The following TSHZ2 variants were observed in gnomAD, a reference collection of about 807,000 sequenced individuals.
TSHZ2 encodes the protein teashirt homolog 2.
In TSHZ2, 21 loss-of-function variants were observed where a neutral mutation model predicts 74.4. The ratio of observed to expected loss-of-function variants is 0.28; its 90% confidence interval spans 0.20 to 0.41. The LOEUF (loss-of-function observed/expected upper bound fraction) is 0.41, where lower values mean the gene tolerates loss of function less well. Among genes scored for constraint, TSHZ2 ranks in the 10% least tolerant of loss-of-function variants. TSHZ2 has a pLI of 1.00. For synonymous variants in TSHZ2, 540 were observed against 515.3 expected (o/e 1.05, Z -0.65); for missense variants, 1,244 against 1,293.5 (o/e 0.96, Z 0.59).
intron 2 of TSHZ2, among the ~76,000 whole-genome samples, chr20:53,319,651 G>A (rs1159336419): frequency 6.6e-6 from 1 of 152,242 alleles, no homozygotes; most frequent in Non-Finnish European, 1.5e-5. Context: ...GCAAAGCAGA[G>A]GGGACGGCTG....
Position 53,253,561 on chromosome 20 carries a change from G to A in TSHZ2, c.103G>A (p.Asp35Asn). 6.2e-7 allele frequency: 1 copy of A among 1,613,850 alleles called. No individual in the cohort carries two copies. Among genetic ancestry groups the A allele is most frequent in the Non-Finnish European group, 8.5e-7 (1 of 1,179,878 alleles). Residue 35 changes from aspartate to asparagine, a missense_variant, in exon 2 of 3, where the codon GAC becomes AAC. By Grantham distance (23) the Asp-to-Asn change is conservative (BLOSUM62 1). This residue lies in a region of TSHZ2 where 470 missense variants were observed against 456.5 expected (regional missense o/e 1.03). Transcript: ENST00000371497. ...AATAAAAGAAGAGGAGGAGGAGGAGGACAGCGGTTCAGTAGCTCAACTGCA... is the reference window on the plus strand; with the variant it reads ...AATAAAAGAAGAGGAGGAGGAGGAGAACAGCGGTTCAGTAGCTCAACTGCA... Reference protein sequence around the residue: ...EEIKEEEEEEDSGSVAQLQGG... With the variant: ...EEIKEEEEEENSGSVAQLQGG...
At chr20:53,006,500 C>T (rs936594766) in intron 1 of TSHZ2, among the ~76,000 whole-genome samples, 1 of 152,166 alleles carries the variant, frequency 6.6e-6, no homozygotes, top group Non-Finnish European at 1.5e-5. Context: ...GTGGTGAGGA[C>T]CATGGAGTGC....
intron 1 of TSHZ2, among the ~76,000 whole-genome samples, chr20:53,095,719 C>A (rs932155260): frequency 2.0e-5 from 3 of 152,134 alleles, no homozygotes; most frequent in African/African-American, 7.2e-5. Context: ...TCTTTAGCAA[C>A]ATCCCTGGCC....
intron 1 of TSHZ2, among the ~76,000 whole-genome samples, chr20:53,237,570 G>A (rs1339129585): frequency 6.6e-6 from 1 of 151,816 alleles, no homozygotes; most frequent in East Asian, 1.9e-4. Flanking sequence ...GAAAAATATA[G>A]ACAAAAAAAG....
rs146385965 is a variant in TSHZ2 at position 53,329,841 on chromosome 20, G to T, written c.*8+73270G>T. ...GAGAAAGAGAGAGAGAGAGAGACAGGGAGGACAGAGCCAGGCCAATGTTAA... is the reference window on the plus strand; with the variant it reads ...GAGAAAGAGAGAGAGAGAGAGACAGTGAGGACAGAGCCAGGCCAATGTTAA... On this transcript the variant is annotated intron_variant, in intron 2 of 2. Coordinates refer to ENST00000371497, the MANE Select transcript of TSHZ2 (RefSeq NM_173485.6). 1.1e-4 allele frequency among the ~76,000 whole-genome samples: 17 copies of T among 152,032 alleles called. No homozygotes were observed. In the East Asian group the frequency reaches 3.1e-3, roughly 28 times the overall value.
intron 1 of TSHZ2, among the ~76,000 whole-genome samples, chr20:53,069,662 TACACACAC>T (rs11471151): frequency 0.025 from 3,446 of 138,930 alleles, 103 homozygotes; most frequent in African/African-American, 0.067. Context: ...AATGCTTTGA[TACACACAC>T]ACACACACAC....
chr20:53,360,550 C>T (rs944145230), intron 2 of TSHZ2, among the ~76,000 whole-genome samples: 2 of 152,138 alleles, frequency 1.3e-5, no homozygotes, highest in Non-Finnish European at 2.9e-5. Context: ...GAATGCACAA[C>T]GAGTGATATT....
intron 1 of TSHZ2, among the ~76,000 whole-genome samples, chr20:52,977,420 AT>A (rs1981384316): frequency 7.0e-5 from 6 of 85,922 alleles, no homozygotes; most frequent in African/African-American, 2.4e-4. Context: ...GAATGGAAAA[AT>A]ACACACACAC....
rs1376958919 is a variant in TSHZ2 at position 53,240,080 on chromosome 20, T to C, written c.41-13419T>C. Among the ~76,000 whole-genome samples, 3 of 152,218 alleles carry C rather than the reference T, an allele frequency of 2.0e-5. 1 individual carries two copies. Among genetic ancestry groups the C allele is most frequent in the South Asian group, 4.1e-4 (2 of 4,830 alleles). Reference sequence around the variant, plus strand: ...TTTCTTGGCTCCGTGATGTCATATATGTTGGCTTGGTTCTCCAGCCACCAT... The same window carrying C: ...TTTCTTGGCTCCGTGATGTCATATACGTTGGCTTGGTTCTCCAGCCACCAT... On this transcript the variant is annotated intron_variant, in intron 1 of 2. Transcript: ENST00000371497.
intron 2 of TSHZ2, among the ~76,000 whole-genome samples, chr20:53,309,231 T>C (rs1452379167): frequency 6.6e-6 from 1 of 152,234 alleles, no homozygotes; most frequent in Non-Finnish European, 1.5e-5. Flanking sequence ...GCCCTGTTGC[T>C]GTCAGGTCAC....
chr20:53,391,992 G>A (rs770629408), intron 2 of TSHZ2, among the ~76,000 whole-genome samples: 1 of 152,138 alleles, frequency 6.6e-6, no homozygotes, highest in Non-Finnish European at 1.5e-5. Flanking sequence ...TCTGAATCTA[G>A]TCCTAAGAAT....
chr20:53,262,085 T>C (rs1990613239), intron 2 of TSHZ2, among the ~76,000 whole-genome samples: 1 of 151,230 alleles, frequency 6.6e-6, no homozygotes, highest in Admixed American at 6.6e-5. Flanking sequence ...TTGGGGAGGA[T>C]TTTTTTTTAA....
intron 2 of TSHZ2, among the ~76,000 whole-genome samples, chr20:53,391,706 G>A (rs1982265857): frequency 6.6e-6 from 1 of 152,212 alleles, no homozygotes; most frequent in South Asian, 2.1e-4. Flanking sequence ...ACTTTGGGAG[G>A]CTGAGGTGGG....
At chr20:53,289,818 TCAAA>T (rs1600792182) in intron 2 of TSHZ2, among the ~76,000 whole-genome samples, 1 of 152,166 alleles carries the variant, frequency 6.6e-6, no homozygotes. Context: ...AAAACCATGA[TCAAA>T]CAATCATTGA....
At chr20:53,047,546 A>G (rs1054799634) in intron 1 of TSHZ2, among the ~76,000 whole-genome samples, 1 of 152,222 alleles carries the variant, frequency 6.6e-6, no homozygotes, top group Non-Finnish European at 1.5e-5. Flanking sequence ...GTGCATTGCC[A>G]CAAAGCTGTA....
At chr20:53,410,700 G>A (rs1036305819) in intron 2 of TSHZ2, among the ~76,000 whole-genome samples, 3 of 147,460 alleles carry the variant, frequency 2.0e-5, no homozygotes, top group Non-Finnish European at 4.5e-5. Context: ...TTTTGGCACG[G>A]AGTCTCGCTC....
chr20:53,222,359 C>T (rs770062130), intron 1 of TSHZ2, among the ~76,000 whole-genome samples: 5 of 152,170 alleles, frequency 3.3e-5, no homozygotes, highest in South Asian at 2.1e-4. Context: ...CAGTGGTGTA[C>T]CTCAATGCAG....
chr20:53,422,054 C>T (rs1983495439), intron 2 of TSHZ2, among the ~76,000 whole-genome samples: 1 of 152,170 alleles, frequency 6.6e-6, no homozygotes, highest in Non-Finnish European at 1.5e-5. Context: ...CCCCATTTCT[C>T]ACAGTACCGT....
chr20:53,216,399 A>G (rs1483277821), intron 1 of TSHZ2, among the ~76,000 whole-genome samples: 1 of 152,240 alleles, frequency 6.6e-6, no homozygotes, highest in Non-Finnish European at 1.5e-5. Context: ...TCCCTGGCAG[A>G]AAGTCAAGGA....
Sources: allele counts gnomAD v4.1 joint callset (sites outside exome capture counted in the v4.1 genomes callset), GRCh38; gene constraint gnomAD v4.1.1; regional missense constraint gnomAD v4.1.1; transcripts MANE v1.5; gene names NCBI Gene and HGNC (gene_info 2026-07-23, HGNC 2026-07-21).